ARHGAP42: variants seen among roughly 807,000 people sequenced by gnomAD.
ARHGAP42 encodes the protein rho GTPase-activating protein 42.
In ARHGAP42, 63 loss-of-function variants were observed where a neutral mutation model predicts 125.0. The observed-to-expected ratio is 0.50, with a 90% CI of 0.41 to 0.62. The LOEUF (loss-of-function observed/expected upper bound fraction) is 0.62, where lower values mean the gene tolerates loss of function less well. ARHGAP42 is among the 20% of genes least tolerant of loss of function. The pLI is 0.00. For missense variants in ARHGAP42, 766 were observed against 1,024.2 expected (o/e 0.75, Z 3.44); for synonymous variants, 339 against 351.0 (o/e 0.97, Z 0.38).
intron 1 of ARHGAP42, among the ~76,000 whole-genome samples, chr11:100,710,661 T>C (rs1246598532): frequency 6.7e-6 from 1 of 148,440 alleles, no homozygotes; most frequent in Non-Finnish European, 1.5e-5. Flanking sequence ...TGCCTCAGCC[T>C]CCCGAAGTAG....
At chr11:100,692,005 T>TA (rs943431056) in intron 1 of ARHGAP42, among the ~76,000 whole-genome samples, 2 of 143,924 alleles carry the variant, frequency 1.4e-5, no homozygotes, top group African/African-American at 5.0e-5. Context: ...CAATAAAAAA[T>TA]AAAAAAAGAA....
intron 4 of ARHGAP42, among the ~76,000 whole-genome samples, chr11:100,877,266 C>G (rs1306703194): frequency 2.0e-5 from 3 of 152,202 alleles, no homozygotes; most frequent in African/African-American, 4.8e-5. Context: ...TGCAGTGACA[C>G]TTAAAATATT....
intron 6 of ARHGAP42, among the ~76,000 whole-genome samples, chr11:100,923,674 T>G (rs1223277120): frequency 6.6e-6 from 1 of 152,160 alleles, no homozygotes; most frequent in African/African-American, 2.4e-5. Context: ...TCCTTTTACC[T>G]TATCCGAAGC....
intron 1 of ARHGAP42, among the ~76,000 whole-genome samples, chr11:100,758,546 T>C (rs1170862056): frequency 6.6e-6 from 1 of 152,200 alleles, no homozygotes; most frequent in African/African-American, 2.4e-5. Flanking sequence ...GGCTGCATCA[T>C]AAAATGATGA....
chr11:100,942,809 G>C (rs1283002005), intron 9 of ARHGAP42, among the ~76,000 whole-genome samples: 2 of 151,982 alleles, frequency 1.3e-5, no homozygotes, highest in Admixed American at 6.6e-5. Flanking sequence ...CAGAGAAAAA[G>C]AAACCTTAGT....
chr11:100,936,619 T>C (rs1867745193), intron 8 of ARHGAP42, among the ~76,000 whole-genome samples: 1 of 152,194 alleles, frequency 6.6e-6, no homozygotes, highest in Non-Finnish European at 1.5e-5. Context: ...TAAAGTTTCA[T>C]GGAAAATTGC....
intron 1 of ARHGAP42, among the ~76,000 whole-genome samples, chr11:100,763,914 A>T (rs1331732934): frequency 3.3e-5 from 5 of 152,156 alleles, no homozygotes; most frequent in African/African-American, 1.2e-4. Flanking sequence ...TGCTATTTTA[A>T]AATTTATATA....
Position 100,687,848 on chromosome 11 carries a change from G to T in ARHGAP42, c.154+16G>T, listed in dbSNP as rs962079017. The T allele has an allele frequency of 6.5e-7, 1 of 1,539,928 alleles. No homozygotes were observed. The highest frequency in any genetic ancestry group is 2.0e-5 in the Admixed American group (1 of 50,340). ...GCGTTGAGGAGTAAGTAGGGCTGGC[G>T]GGGGAGTGGACACCCGCATCTGGAG... On this transcript the variant is annotated intron_variant, in intron 1 of 23. Coordinates refer to ENST00000298815, the MANE Select transcript of ARHGAP42 (RefSeq NM_152432.4).
chr11:100,895,671 C>G (rs1409830829), intron 4 of ARHGAP42, among the ~76,000 whole-genome samples: 1 of 151,704 alleles, frequency 6.6e-6, no homozygotes, highest in Non-Finnish European at 1.5e-5. Flanking sequence ...GGAACTTCCC[C>G]TAAATGTTTC....
At chr11:100,838,982 T>C (rs1450255421) in intron 3 of ARHGAP42, among the ~76,000 whole-genome samples, 2 of 149,248 alleles carry the variant, frequency 1.3e-5, no homozygotes, top group African/African-American at 4.9e-5. Context: ...AATTATAACT[T>C]TTTTTTTTTA....
chr11:100,849,501 T>C (rs193154472), intron 3 of ARHGAP42, among the ~76,000 whole-genome samples: 2 of 152,336 alleles, frequency 1.3e-5, no homozygotes, highest in African/African-American at 4.8e-5. Flanking sequence ...GTTTGCTAAA[T>C]TGTAGGACGT....
chr11:100,855,111 G>A (rs1052719788), intron 3 of ARHGAP42, among the ~76,000 whole-genome samples: 5 of 152,014 alleles, frequency 3.3e-5, no homozygotes, highest in East Asian at 3.8e-4. Context: ...ATAGTGTAGC[G>A]TATTATAGCC....
chr11:100,974,899 T>C (rs1322058045), intron 19 of ARHGAP42, among the ~76,000 whole-genome samples: 2 of 152,144 alleles, frequency 1.3e-5, no homozygotes, highest in Admixed American at 6.6e-5. Flanking sequence ...ATTGTCAAAG[T>C]GGTAAAGAAG....
At chr11:100,779,551 C>CGTGT (rs747888545) in intron 2 of ARHGAP42, among the ~76,000 whole-genome samples, 1 of 126,932 alleles carries the variant, frequency 7.9e-6, no homozygotes, top group South Asian at 2.5e-4. Flanking sequence ...TATATATATA[C>CGTGT]ATATACATAC....
At chr11:100,983,884 A>G (rs946652922) in intron 22 of ARHGAP42, among the ~76,000 whole-genome samples, 4 of 152,238 alleles carry the variant, frequency 2.6e-5, no homozygotes, top group Non-Finnish European at 4.4e-5. Flanking sequence ...CACTCCTGTA[A>G]TCCCAGCACT....
At chr11:100,754,682 T>C (rs146526306) in intron 1 of ARHGAP42, among the ~76,000 whole-genome samples, 158 of 152,336 alleles carry the variant, frequency 1.0e-3, no homozygotes, top group African/African-American at 3.6e-3. Context: ...TAATGCTTTC[T>C]ACACATTCCT....
chr11:100,821,726 A>G (rs143554224), intron 3 of ARHGAP42, among the ~76,000 whole-genome samples: 134 of 151,956 alleles, frequency 8.8e-4, no homozygotes, highest in Non-Finnish European at 1.4e-3. Flanking sequence ...TCTCTTCACT[A>G]TCTTTTCTGC....
chr11:100,719,664 TTG>T (rs142657423), intron 1 of ARHGAP42, among the ~76,000 whole-genome samples: 2 of 151,704 alleles, frequency 1.3e-5, no homozygotes, highest in African/African-American at 2.4e-5. Flanking sequence ...TTTTCTTTTA[TTG>T]TGTGTGTGTG....
chr11:100,809,845 G>A (rs1864093726), intron 3 of ARHGAP42, among the ~76,000 whole-genome samples: 1 of 152,026 alleles, frequency 6.6e-6, no homozygotes, highest in African/African-American at 2.4e-5. Context: ...GGAGGCTGAG[G>A]TGGGAAGATC....
Sources: gnomAD v4.1 joint callset for allele counts (sites outside exome capture counted in the v4.1 genomes callset) on GRCh38, gnomAD v4.1.1 for gene constraint, MANE v1.5 for transcripts, NCBI Gene and HGNC (gene_info 2026-07-23, HGNC 2026-07-21) for gene names.